Variants in OLFM3 observed in about 807,000 individuals in gnomAD.
OLFM3 encodes noelin-3.
In OLFM3, 20 loss-of-function variants were observed where a neutral mutation model predicts 48.6. The observed-to-expected ratio is 0.41, with a 90% CI of 0.29 to 0.60. OLFM3 has a LOEUF of 0.60. Among genes scored for constraint, OLFM3 ranks in the 20% least tolerant of loss-of-function variants. OLFM3 has a pLI of 0.28. For synonymous variants in OLFM3, 222 were observed against 198.1 expected, an observed-to-expected ratio of 1.12 and a Z score of -1.01; for missense variants, 437 against 544.3, an observed-to-expected ratio of 0.80 and a Z score of 1.96.
At chr1:101,939,601 T>C (rs1200778534) in intron 1 of OLFM3, among the ~76,000 whole-genome samples, 1 of 152,206 alleles carries the variant, frequency 6.6e-6, no homozygotes, top group African/African-American at 2.4e-5. Context: ...CCCAGGATAC[T>C]TGTCTTCAAG....
At position 101,963,688 on chromosome 1, in the gene OLFM3, C is replaced by G. The variant is rs185407537; in HGVS notation, c.69+33060G>C. ...CACCTCTTTGTGAATTCCTTTCTAT[C>G]CTTTTTATATCATTGGTTTTGATAA... is the stretch of plus-strand genomic sequence containing the variant. On this transcript the variant is annotated intron_variant, in intron 1 of 5. Coordinates refer to ENST00000370103, the MANE Select transcript of OLFM3 (RefSeq NM_058170.4). 2.9e-3 allele frequency among the ~76,000 whole-genome samples: 448 copies of G among 152,246 alleles called. 6 individuals carry two copies. The highest frequency in any genetic ancestry group is 1.0e-2 in the African/African-American group (415 of 41,544).
chr1:101,845,047 T>A (rs1219074702), intron 1 of OLFM3, among the ~76,000 whole-genome samples: 1 of 152,072 alleles, frequency 6.6e-6, no homozygotes, highest in African/African-American at 2.4e-5. Flanking sequence ...AAAAGAAACA[T>A]CCAAAAAAGG....
intron 4 of OLFM3, among the ~76,000 whole-genome samples, chr1:101,811,742 T>A (rs1231205372): frequency 6.6e-6 from 1 of 152,194 alleles, no homozygotes; most frequent in South Asian, 2.1e-4. Context: ...TTGGTGGGAC[T>A]GTAAACTAGT....
intron 4 of OLFM3, among the ~76,000 whole-genome samples, chr1:101,817,142 G>T (rs1654370714): frequency 6.6e-6 from 1 of 152,070 alleles, no homozygotes; most frequent in Non-Finnish European, 1.5e-5. Context: ...ACTAGCCTTT[G>T]TTCAAATAAA....
At chr1:101,879,817 C>T (rs1657446864) in intron 1 of OLFM3, among the ~76,000 whole-genome samples, 1 of 151,792 alleles carries the variant, frequency 6.6e-6, no homozygotes, top group Non-Finnish European at 1.5e-5. Context: ...AATCAGTAGT[C>T]ACTCCTTTAT....
intron 1 of OLFM3, among the ~76,000 whole-genome samples, chr1:101,990,989 T>C (rs1241632770): frequency 1.1e-4 from 1 of 8,900 alleles, no homozygotes; most frequent in Non-Finnish European, 2.5e-4. Flanking sequence ...TGTCAAAAAG[T>C]AAAAAAAAAA....
At chr1:101,878,075 G>T (rs555655660) in intron 1 of OLFM3, among the ~76,000 whole-genome samples, 1 of 151,918 alleles carries the variant, frequency 6.6e-6, no homozygotes, top group Admixed American at 6.6e-5. Flanking sequence ...TCCTAGAGAA[G>T]ATACACCTGG....
At chr1:101,876,244 C>G (rs978143648) in intron 1 of OLFM3, among the ~76,000 whole-genome samples, 3 of 151,950 alleles carry the variant, frequency 2.0e-5, no homozygotes, top group Non-Finnish European at 4.4e-5. Flanking sequence ...GCCACCTGCT[C>G]TGAACAGCCT....
chr1:101,933,676 A>T (rs566628683), intron 1 of OLFM3, among the ~76,000 whole-genome samples: 61 of 152,254 alleles, frequency 4.0e-4, no homozygotes, highest in African/African-American at 1.4e-3. Context: ...ATTCTCCAAG[A>T]TCCAAATGAA....
chr1:101,901,828 A>G (rs1185495445), intron 1 of OLFM3, among the ~76,000 whole-genome samples: 1 of 152,136 alleles, frequency 6.6e-6, no homozygotes, highest in African/African-American at 2.4e-5. Context: ...AGTAATAGGT[A>G]TAATAAATTG....
chr1:101,806,444 T>G (rs1653781157), intron 4 of OLFM3, among the ~76,000 whole-genome samples: 1 of 151,628 alleles, frequency 6.6e-6, no homozygotes, highest in Non-Finnish European at 1.5e-5. Context: ...CGGAAAGAAA[T>G]AAATGAGGAA....
chr1:101,837,007 C>T lies in OLFM3; in HGVS notation c.88G>A (p.Glu30Lys). ...DPSKTQISPK[E>K]GWQVYSSAQD... The stretch of plus-strand genomic sequence containing the variant: ...GCTGAGCTGTACACCTGCCACCCTT[C>T]TTTAGGACTAATCTGAGTCTGAGGA... The change falls in exon 2 of 6, where the codon GAA becomes AAA. Residue 30 changes from glutamate (E) to lysine (K), a missense_variant. Around this residue, in one of 3 missense-constraint regions of OLFM3, gnomAD observed 314 missense variants for 365.5 expected, o/e 0.86. Coordinates refer to ENST00000370103, the MANE Select transcript of OLFM3 (RefSeq NM_058170.4). The T allele has an allele frequency of 6.2e-7, 1 of 1,613,336 alleles. No homozygotes were observed. The highest frequency in any genetic ancestry group is 8.5e-7 in the Non-Finnish European group (1 of 1,179,520).
intron 1 of OLFM3, among the ~76,000 whole-genome samples, chr1:101,865,210 C>T (rs1302434592): frequency 6.6e-6 from 1 of 151,488 alleles, no homozygotes; most frequent in Non-Finnish European, 1.5e-5. Context: ...GAGCCCCCTG[C>T]ACCAGGGTGA....
At chr1:101,852,948 T>C (rs1232818730) in intron 1 of OLFM3, among the ~76,000 whole-genome samples, 1 of 152,108 alleles carries the variant, frequency 6.6e-6, no homozygotes, top group Non-Finnish European at 1.5e-5. Flanking sequence ...AAGCCTCCAT[T>C]GTCTTTTATC....
chr1:101,824,958 G>A (rs535508750), intron 4 of OLFM3, 68 bp downstream of exon 4: 29 of 1,363,492 alleles, frequency 2.1e-5, no homozygotes, highest in South Asian at 9.8e-5. Flanking sequence ...TTTATAAAAC[G>A]TAAGAGCACA....
chr1:101,828,828 A>G (rs1316697955), intron 3 of OLFM3, among the ~76,000 whole-genome samples: 1 of 152,072 alleles, frequency 6.6e-6, no homozygotes, highest in Admixed American at 6.5e-5. Context: ...ACTATTTTCT[A>G]CTTTGCCGAT....
chr1:101,881,709 T>C (rs1657532257), intron 1 of OLFM3, among the ~76,000 whole-genome samples: 1 of 151,768 alleles, frequency 6.6e-6, no homozygotes, highest in African/African-American at 2.4e-5. Flanking sequence ...GTGAGTTGAG[T>C]TGGCTCTCCC....
At chr1:101,868,175 T>A (rs1553175002) in intron 1 of OLFM3, among the ~76,000 whole-genome samples, 2 of 150,710 alleles carry the variant, frequency 1.3e-5, no homozygotes, top group African/African-American at 2.4e-5. Flanking sequence ...CCACTGAGAG[T>A]GGGGTGTTGC....
At chr1:101,925,042 T>C (rs140622099) in intron 1 of OLFM3, among the ~76,000 whole-genome samples, 14 of 152,232 alleles carry the variant, frequency 9.2e-5, no homozygotes, top group African/African-American at 2.9e-4. Context: ...ATTCAATTTA[T>C]GTTTAAATTA....
Sources: gnomAD v4.1 joint callset for allele counts (sites outside exome capture counted in the v4.1 genomes callset) on GRCh38, gnomAD v4.1.1 for gene constraint, gnomAD v4.1.1 regional missense constraint, MANE v1.5 for transcripts, NCBI Gene and HGNC (gene_info 2026-07-23, HGNC 2026-07-21) for gene names.